FGGY: variants seen among roughly 807,000 people sequenced by gnomAD.
FGGY encodes FGGY carbohydrate kinase domain containing, also known as FGGY carbohydrate kinase domain-containing protein.
FGGY carries 72 observed loss-of-function variants against 71.3 expected under a neutral mutation model. The observed-to-expected ratio is 1.01, with a 90% CI of 0.84 to 1.23. FGGY has a LOEUF of 1.23. Among genes scored for constraint, FGGY ranks in the 50% most tolerant of loss-of-function variants. The probability of loss-of-function intolerance (pLI) is 0.00; values close to 1 mark genes in which losing one functional copy is unlikely to be tolerated. For missense variants in FGGY, 668 were observed against 682.3 expected (o/e 0.98, Z 0.23); for synonymous variants, 251 against 250.3 (o/e 1.00, Z -0.02).
chr1:59,504,088 T>C (rs530882125), intron 6 of FGGY, among the ~76,000 whole-genome samples: 11 of 151,378 alleles, frequency 7.3e-5, no homozygotes, highest in South Asian at 4.1e-4. Flanking sequence ...ATCATGCCTG[T>C]GTAAAAAAGC....
chr1:59,650,153 A>T (rs1347700208), intron 11 of FGGY, among the ~76,000 whole-genome samples: 1 of 147,976 alleles, frequency 6.8e-6, no homozygotes, highest in Non-Finnish European at 1.5e-5. Flanking sequence ...TTGGTTTGCC[A>T]GTATTGTATT....
chr1:59,627,489 TAC>T (rs34618549), intron 10 of FGGY, among the ~76,000 whole-genome samples: 4,816 of 92,022 alleles, frequency 0.052, 162 homozygotes, highest in Middle Eastern at 0.081. Context: ...TATATATATA[TAC>T]ACACACACAC....
At chr1:59,683,317 C>T (rs2097519752) in intron 14 of FGGY, among the ~76,000 whole-genome samples, 1 of 152,302 alleles carries the variant, frequency 6.6e-6, no homozygotes, top group African/African-American at 2.4e-5. Context: ...AAAGTCCATG[C>T]CCCTCACTGT....
chr1:59,487,435 G>A (rs2093689362), intron 6 of FGGY, among the ~76,000 whole-genome samples: 1 of 151,810 alleles, frequency 6.6e-6, no homozygotes, highest in Non-Finnish European at 1.5e-5. Flanking sequence ...ATGAGGGCAG[G>A]GGCCATGTCC....
At chr1:59,408,584 CTAAA>C (rs534159544) in intron 5 of FGGY, among the ~76,000 whole-genome samples, 22 of 152,296 alleles carry the variant, frequency 1.4e-4, no homozygotes, top group African/African-American at 4.8e-4. Flanking sequence ...TTCTGTCTCT[CTAAA>C]TATATATGTA....
chr1:59,504,940 G>A (rs968420759), intron 6 of FGGY, among the ~76,000 whole-genome samples: 4 of 151,308 alleles, frequency 2.6e-5, no homozygotes, highest in Non-Finnish European at 4.4e-5. Flanking sequence ...CACTGCTGAC[G>A]TTGTGCTGAG....
intron 14 of FGGY, among the ~76,000 whole-genome samples, chr1:59,686,226 A>G (rs987915745): frequency 2.6e-5 from 4 of 152,082 alleles, no homozygotes; most frequent in African/African-American, 9.7e-5. Flanking sequence ...TTTTTCCATG[A>G]ATATTCCTTC....
intron 11 of FGGY, among the ~76,000 whole-genome samples, chr1:59,649,992 G>T (rs2097140688): frequency 6.8e-6 from 1 of 148,024 alleles, no homozygotes; most frequent in South Asian, 2.1e-4. Flanking sequence ...GGCTTTTTCT[G>T]CATCTGTTGA....
At chr1:59,496,111 A>G (rs942687915) in intron 6 of FGGY, among the ~76,000 whole-genome samples, 5 of 152,158 alleles carry the variant, frequency 3.3e-5, no homozygotes, top group Non-Finnish European at 7.3e-5. Context: ...CCTCCTTTCC[A>G]TGAGCATGGA....
At chr1:59,586,677 C>G (rs116241649) in intron 8 of FGGY, among the ~76,000 whole-genome samples, 1 of 152,040 alleles carries the variant, frequency 6.6e-6, no homozygotes, top group African/African-American at 2.4e-5. Flanking sequence ...TAAAAGACCA[C>G]GTGAAATGAG....
chr1:59,302,853 C>CA (rs1309560656), intron 1 of FGGY, among the ~76,000 whole-genome samples: 2 of 151,762 alleles, frequency 1.3e-5, no homozygotes, highest in Non-Finnish European at 2.9e-5. Flanking sequence ...AAAAAAACCC[C>CA]AAAAAACCCT....
intron 4 of FGGY, among the ~76,000 whole-genome samples, chr1:59,370,647 A>C (rs1030196293): frequency 6.6e-6 from 1 of 152,004 alleles, no homozygotes; most frequent in African/African-American, 2.4e-5. Context: ...TGTTAAGGGC[A>C]GCCAGAGAGA....
At chr1:59,427,891 A>G (rs575183423) in intron 5 of FGGY, among the ~76,000 whole-genome samples, 74 of 152,230 alleles carry the variant, frequency 4.9e-4, no homozygotes, top group African/African-American at 1.6e-3. Context: ...CTTAACTCCA[A>G]TGGCCTTCTG....
chr1:59,496,485 A>G (rs2153598694), intron 6 of FGGY, among the ~76,000 whole-genome samples: 1 of 152,266 alleles, frequency 6.6e-6, no homozygotes, highest in Middle Eastern at 3.4e-3. Context: ...CCAAGTACAT[A>G]TGAACACAAA....
chr1:59,618,207 C>T (rs988610262), intron 9 of FGGY, among the ~76,000 whole-genome samples: 1 of 152,070 alleles, frequency 6.6e-6, no homozygotes, highest in Admixed American at 6.6e-5. Context: ...ATAGTACAAT[C>T]ACTATAGCCT....
At chr1:59,320,289 A>G (rs376876371) in intron 1 of FGGY, among the ~76,000 whole-genome samples, 3 of 152,256 alleles carry the variant, frequency 2.0e-5, no homozygotes, top group South Asian at 4.1e-4. Context: ...TCTAGGAAGC[A>G]GTAACTGAAC....
At chr1:59,626,873 C>G (rs2096862113) in intron 10 of FGGY, 1 of 151,540 alleles carries the variant, frequency 6.6e-6, no homozygotes, top group Non-Finnish European at 1.5e-5. Flanking sequence ...AAAAGAAATA[C>G]AGGAAGTTTA....
At chr1:59,590,238 G>T (rs1303186266) in intron 8 of FGGY, among the ~76,000 whole-genome samples, 1 of 152,146 alleles carries the variant, frequency 6.6e-6, no homozygotes, top group Non-Finnish European at 1.5e-5. Flanking sequence ...CCTAAACCAA[G>T]AAGAAGTTGA....
At chr1:59,466,856 G>A (rs1558023764) in intron 6 of FGGY, among the ~76,000 whole-genome samples, 1 of 152,124 alleles carries the variant, frequency 6.6e-6, no homozygotes, top group East Asian at 1.9e-4. Flanking sequence ...GAAACAACAG[G>A]TGCTGGAGAG....
Sources: gnomAD v4.1 joint callset for allele counts (sites outside exome capture counted in the v4.1 genomes callset) on GRCh38, gnomAD v4.1.1 for gene constraint, MANE v1.5 for transcripts, NCBI Gene and HGNC (gene_info 2026-07-23, HGNC 2026-07-21) for gene names.